The following ATP8A2 variants were observed in gnomAD, a reference collection of about 807,000 sequenced individuals.
The protein encoded by ATP8A2 is phospholipid-transporting ATPase IB.
Under a neutral mutation model 165.6 loss-of-function variants are expected in ATP8A2, and 100 were observed. The observed-to-expected ratio is 0.60, with a 90% CI of 0.51 to 0.71. The LOEUF is 0.71. Among genes scored for constraint, ATP8A2 ranks in the 30% least tolerant of loss-of-function variants. The pLI, the probability that ATP8A2 is intolerant of heterozygous loss-of-function variation, is 0.00. For synonymous variants in ATP8A2, 543 were observed against 548.8 expected, an observed-to-expected ratio of 0.99 and a Z score of 0.15; for missense variants, 1,227 against 1,479.5, an observed-to-expected ratio of 0.83 and a Z score of 2.80.
At chr13:25,669,658 C>A (rs909234805) in intron 24 of ATP8A2, among the ~76,000 whole-genome samples, 2 of 152,212 alleles carry the variant, frequency 1.3e-5, no homozygotes, top group African/African-American at 4.8e-5. Context: ...CCTCTGCCTT[C>A]CCTGCTTTTT....
intron 24 of ATP8A2, among the ~76,000 whole-genome samples, chr13:25,605,624 A>T (rs1002119575): frequency 2.0e-5 from 3 of 152,106 alleles, no homozygotes; most frequent in East Asian, 1.9e-4. Flanking sequence ...GCCATTTTTT[A>T]AAAAATGCAA....
chr13:25,840,615 A>G (rs1027219796), intron 30 of ATP8A2, among the ~76,000 whole-genome samples: 15 of 152,202 alleles, frequency 9.9e-5, no homozygotes, highest in Non-Finnish European at 2.1e-4. Flanking sequence ...CCCAAAAAAG[A>G]GCATTCCAGT....
intron 2 of ATP8A2, among the ~76,000 whole-genome samples, chr13:25,514,779 T>C (rs183904096): frequency 8.5e-5 from 13 of 152,306 alleles, no homozygotes; most frequent in South Asian, 2.1e-4. Context: ...TTTTCCATCA[T>C]TGATGTCTCA....
chr13:25,806,823 A>G (rs1272498298), intron 27 of ATP8A2, among the ~76,000 whole-genome samples: 2 of 152,154 alleles, frequency 1.3e-5, no homozygotes, highest in African/African-American at 4.8e-5. Flanking sequence ...GTTTCTCCAT[A>G]TCCTCACCAG....
intron 27 of ATP8A2, among the ~76,000 whole-genome samples, chr13:25,810,395 A>C (rs756595673): frequency 2.6e-5 from 4 of 152,082 alleles, no homozygotes; most frequent in Admixed American, 1.3e-4. Flanking sequence ...GGTCCTTGGC[A>C]CATTTTACTG....
intron 2 of ATP8A2, among the ~76,000 whole-genome samples, chr13:25,484,627 G>C (rs751256807): frequency 1.3e-5 from 2 of 152,002 alleles, no homozygotes; most frequent in Non-Finnish European, 1.5e-5. Flanking sequence ...TGATTCTCCT[G>C]CCTCAGCTTC....
chr13:25,448,092 C>A (rs1385920070), intron 1 of ATP8A2, among the ~76,000 whole-genome samples: 2 of 152,154 alleles, frequency 1.3e-5, no homozygotes, highest in Non-Finnish European at 2.9e-5. Flanking sequence ...GGATGTGAAG[C>A]CCTCATTTAG....
chr13:25,660,276 A>T (rs2042020889), intron 24 of ATP8A2, among the ~76,000 whole-genome samples: 1 of 152,186 alleles, frequency 6.6e-6, no homozygotes, highest in African/African-American at 2.4e-5. Flanking sequence ...TGATTCTGAA[A>T]TTCATGTGGA....
chr13:25,545,276 A>C (rs1228996082), intron 10 of ATP8A2, among the ~76,000 whole-genome samples: 1 of 152,100 alleles, frequency 6.6e-6, no homozygotes, highest in South Asian at 2.1e-4. Flanking sequence ...AGGATTATTT[A>C]GTGTATCTGA....
intron 27 of ATP8A2, among the ~76,000 whole-genome samples, chr13:25,791,864 C>A (rs2045188462): frequency 6.6e-6 from 1 of 152,152 alleles, no homozygotes. Flanking sequence ...AGTATATTTT[C>A]AATCTATAAA....
At chr13:25,738,973 T>C (rs2043847598) in intron 25 of ATP8A2, among the ~76,000 whole-genome samples, 4 of 152,258 alleles carry the variant, frequency 2.6e-5, no homozygotes, top group Admixed American at 2.0e-4. Context: ...TTATCCTTGT[T>C]ACGTAAGTCC....
intron 24 of ATP8A2, among the ~76,000 whole-genome samples, chr13:25,634,075 A>C (rs2041312764): frequency 6.6e-6 from 1 of 152,232 alleles, no homozygotes; most frequent in Non-Finnish European, 1.5e-5. Flanking sequence ...ATAGAGACAA[A>C]CAAACTTTAA....
chr13:25,892,255 T>C (rs306421), intron 33 of ATP8A2, among the ~76,000 whole-genome samples: 76,271 of 151,838 alleles, frequency 0.5, 19,936 homozygotes, highest in African/African-American at 0.64. Flanking sequence ...GGATTACAGG[T>C]GTGAGCCACT....
intron 2 of ATP8A2, among the ~76,000 whole-genome samples, chr13:25,476,360 A>G (rs1028097089): frequency 4.0e-5 from 6 of 151,534 alleles, no homozygotes; most frequent in Non-Finnish European, 7.4e-5. Context: ...AACTCCACTC[A>G]TTGCAAACCT....
chr13:25,588,967 C>T (rs770962161), intron 23 of ATP8A2, among the ~76,000 whole-genome samples: 3 of 152,108 alleles, frequency 2.0e-5, no homozygotes, highest in African/African-American at 7.2e-5. Flanking sequence ...AGGAAAGAGC[C>T]CAGGGCTTCC....
At chr13:25,576,083 T>G (rs2039610625) in intron 19 of ATP8A2, among the ~76,000 whole-genome samples, 1 of 152,204 alleles carries the variant, frequency 6.6e-6, no homozygotes, top group Admixed American at 6.5e-5. Context: ...AAGTACTTGC[T>G]TTACACATTG....
intron 24 of ATP8A2, among the ~76,000 whole-genome samples, chr13:25,605,053 C>T (rs151176190): frequency 6.6e-6 from 1 of 152,284 alleles, no homozygotes; most frequent in East Asian, 1.9e-4. Context: ...TGAATGTCAA[C>T]AGCGATGATG....
At chr13:25,723,727 T>C (rs897609305) in intron 25 of ATP8A2, among the ~76,000 whole-genome samples, 4 of 152,172 alleles carry the variant, frequency 2.6e-5, no homozygotes, top group East Asian at 1.9e-4. Context: ...CAGTCCAAGA[T>C]GGCGCCAGGA....
intron 1 of ATP8A2, among the ~76,000 whole-genome samples, chr13:25,387,200 G>A (rs929177601): frequency 6.6e-6 from 1 of 152,154 alleles, no homozygotes; most frequent in Non-Finnish European, 1.5e-5. Flanking sequence ...CCAGGGCAGC[G>A]GTGAGCAGCC....
Sources: allele counts gnomAD v4.1 joint callset (sites outside exome capture counted in the v4.1 genomes callset), GRCh38; gene constraint gnomAD v4.1.1; transcripts MANE v1.5; gene names NCBI Gene and HGNC (gene_info 2026-07-23, HGNC 2026-07-21).